Variants in SKP1 observed in about 807,000 individuals in gnomAD.
SKP1 encodes S-phase kinase-associated protein 1.
In SKP1, 1 loss-of-function variant was observed where a neutral mutation model predicts 21.5. The observed-to-expected ratio is 0.05, with a 90% confidence interval of 0.02 to 0.22. The LOEUF (loss-of-function observed/expected upper bound fraction) is 0.22. Among genes scored for constraint, SKP1 ranks in the 10% least tolerant of loss-of-function variants. SKP1 has a pLI of 1.00. For synonymous variants in SKP1, 59 were observed against 59.3 expected, an observed-to-expected ratio of 0.99 and a Z score of 0.03; for missense variants, 70 against 192.0, an observed-to-expected ratio of 0.36 and a Z score of 3.76.
At position 134,175,896 on chromosome 5, in the gene SKP1, C is replaced by T. The variant is rs560358956; in HGVS notation, c.-1+959G>A. Among the ~76,000 whole-genome samples the T allele has an allele frequency of 6.3e-4, 96 of 151,680 alleles. 1 individual carries two copies. Among genetic ancestry groups the T allele is most frequent in the Non-Finnish European group, 1.2e-3 (79 of 67,968 alleles). ...GCTCCTGCACTTGTAAATAATTCTC[C>T]ATGGCCAGCATAAAGCGGGTTCTAT... On this transcript the variant is annotated intron_variant, in intron 1 of 5. Coordinates refer to ENST00000353411, the MANE Select transcript of SKP1 (RefSeq NM_170679.3).
chr5:134,158,660 G>T, intron 4 of SKP1, 65 bp from the exon 5 acceptor site: 2 of 1,319,666 alleles, frequency 1.5e-6, no homozygotes, highest in African/African-American at 2.9e-5. Flanking sequence ...CAAAGTTAAT[G>T]ATTGACACTC....
At chr5:134,160,882 T>C (rs909669318) in intron 4 of SKP1, 105 bp downstream of exon 4, 2 of 731,684 alleles carry the variant, frequency 2.7e-6, no homozygotes, top group Non-Finnish European at 4.5e-6. Flanking sequence ...TACATTTGAA[T>C]TTAGAGAGTA....
chr5:134,149,812 G>A lies in SKP1; in HGVS notation c.*7921C>T, dbSNP rs1184710653. On this transcript the variant is annotated 3_prime_UTR_variant, in exon 6 of 6. Transcript: ENST00000353411. ...ACAATGCAGTCTTTGTGTATTGGCG[G>A]GGAAGTCTTTGGCAACTCTGTTTAA... 1.3e-5 allele frequency: 2 copies of A among 152,058 alleles called. No individual in the cohort carries two copies. Among genetic ancestry groups the A allele is most frequent in the African/African-American group, 4.8e-5 (2 of 41,366 alleles). 9.4% of individuals were successfully genotyped at this position (152,058 alleles called of 1,614,324 possible).
chr5:134,157,287 T>C lies in SKP1; in HGVS notation c.*446A>G, dbSNP rs970785272. On this transcript the variant is annotated 3_prime_UTR_variant, in exon 6 of 6. Coordinates refer to ENST00000353411, the MANE Select transcript of SKP1 (RefSeq NM_170679.3). ...CATCCTAGTAGCTCCACTCAGAACATTTACTTCAAGAAGCCTTTTTCCAGT... is the reference window on the plus strand; with the variant it reads ...CATCCTAGTAGCTCCACTCAGAACACTTACTTCAAGAAGCCTTTTTCCAGT... 5.6e-6 allele frequency: 1 copy of C among 178,754 alleles called. No homozygotes were observed. The highest frequency in any genetic ancestry group is 5.7e-5 in the Admixed American group (1 of 17,686). The allele number at this position is 178,754 out of a possible 1,614,324, so 11.1% of individuals were successfully genotyped here. A position where few individuals can be genotyped will look rare whatever the true frequency, so the allele number is the denominator to read the frequency against.
Position 134,161,092 on chromosome 5 carries a change from A to G in SKP1, c.210T>C (p.Pro70=), listed in dbSNP as rs754804066. ...QWCTHHKDDP[P]PPEDDENKEK... ...CTTTGTTCTCATCATCTTCAGGAGG[A>G]GGAGGGTCATCCTTGTGGTGGGTGC... Residue 70 remains proline (P), a synonymous_variant, in exon 4 of 6, where the codon CCT becomes CCC. Coordinates refer to ENST00000353411, the MANE Select transcript of SKP1 (RefSeq NM_170679.3). The G allele has an allele frequency of 1.2e-6, 2 of 1,613,816 alleles. No individual in the cohort carries two copies. Among genetic ancestry groups the G allele is most frequent in the East Asian group, 2.2e-5 (1 of 44,872 alleles).
Position 134,155,591 on chromosome 5 carries a change from G to T in SKP1, c.*2142C>A, listed in dbSNP as rs1027639126. On this transcript the variant is annotated 3_prime_UTR_variant, in exon 6 of 6. Coordinates refer to ENST00000353411, the MANE Select transcript of SKP1 (RefSeq NM_170679.3). ...TATTGTCTGTCCATCCAATCTTTCTGAAAGATCTCATTATCCTTTAAATAC... is the reference window on the plus strand; with the variant it reads ...TATTGTCTGTCCATCCAATCTTTCTTAAAGATCTCATTATCCTTTAAATAC... The T allele has an allele frequency of 1.3e-5, 2 of 152,218 alleles. No individual in the cohort carries two copies. The highest frequency in any genetic ancestry group is 2.9e-5 in the Non-Finnish European group (2 of 68,036). 9.4% of individuals were successfully genotyped at this position (152,218 alleles called of 1,614,324 possible).
intron 2 of SKP1, chr5:134,171,118 T>C: frequency 2.3e-6 from 1 of 425,932 alleles, no homozygotes; most frequent in Non-Finnish European, 4.6e-6. Context: ...AAGGCCACTA[T>C]GATTGGTACC....
In SKP1 at chr5:134,159,670, C is replaced by A. The variant is rs919933822; in HGVS notation, c.316-1075G>T. 5.3e-5 allele frequency among the ~76,000 whole-genome samples: 8 copies of A among 152,230 alleles called. No homozygotes were observed. In the South Asian group the frequency reaches 1.5e-3, roughly 28 times the overall value. Reference sequence around the variant, plus strand: ...TCATGCCATTCTCCTGCCTCGGCCTCCCGAGTAGCTGAGACTACAGGTTCC... The same window carrying A: ...TCATGCCATTCTCCTGCCTCGGCCTACCGAGTAGCTGAGACTACAGGTTCC... On this transcript the variant is annotated intron_variant, in intron 4 of 5. Coordinates refer to ENST00000353411, the MANE Select transcript of SKP1 (RefSeq NM_170679.3).
At chr5:134,161,555 A>G (rs1761220434) in intron 3 of SKP1, 2 of 153,190 alleles carry the variant, frequency 1.3e-5, no homozygotes, top group Non-Finnish European at 2.9e-5. Flanking sequence ...TACTAGAAGC[A>G]AAACTAACAC....
rs574930401 is a variant in SKP1 at position 134,167,570 on chromosome 5, T to A, written c.98-327A>T. On this transcript the variant is annotated intron_variant, in intron 2 of 5. Coordinates refer to ENST00000353411, the MANE Select transcript of SKP1 (RefSeq NM_170679.3). ...CAGATTCTTGCTCTGTCGCCCAGGC[T>A]AGAGTGTAGGGGCGCCATCTCGGCT... Among the ~76,000 whole-genome samples the A allele has an allele frequency of 3.9e-3, 585 of 151,910 alleles. 7 individuals carry two copies. Among genetic ancestry groups the A allele is most frequent in the African/African-American group, 0.013 (546 of 41,394 alleles).
intron 1 of SKP1, among the ~76,000 whole-genome samples, chr5:134,175,856 G>C (rs938578680): frequency 6.6e-6 from 1 of 152,130 alleles, no homozygotes; most frequent in Non-Finnish European, 1.5e-5. Flanking sequence ...CCATTCTAAA[G>C]AAAGAGGCCT....
In SKP1 at chr5:134,170,313, T is replaced by C. The variant is rs139364708; in HGVS notation, c.98-3070A>G. Among the ~76,000 whole-genome samples the C allele has an allele frequency of 5.6e-3, 847 of 152,350 alleles. 6 individuals carry two copies. Among genetic ancestry groups the C allele is most frequent in the African/African-American group, 0.019 (791 of 41,582 alleles). On this transcript the variant is annotated intron_variant, in intron 2 of 5. Transcript: ENST00000353411. ...TTGGGCTCAAGTAATCCTCTTTAAA[T>C]CCTCTAGCATTTAAAGTAAGGATGT...
chr5:134,161,132 TACA>T lies in SKP1; in HGVS notation c.172-5_172-3del, dbSNP rs779919634. Reference sequence around the variant, plus strand: ...GTGGTGGGTGCACCACTGAATGACCTACAACAACAAAAGTTCATTCCTCTGTGG... The same window carrying T: ...GTGGTGGGTGCACCACTGAATGACCTACAACAAAAGTTCATTCCTCTGTGG... On this transcript the variant is annotated splice_region_variant and splice_polypyrimidine_tract_variant and intron_variant, in intron 3 of 5. Transcript: ENST00000353411. 1.9e-6 allele frequency: 3 copies of T among 1,593,974 alleles called. No individual in the cohort carries two copies. Among genetic ancestry groups the T allele is most frequent in the Non-Finnish European group, 1.7e-6 (2 of 1,169,732 alleles).
chr5:134,176,600 G>C (rs899149037), intron 1 of SKP1: 1 of 152,326 alleles, frequency 6.6e-6, no homozygotes, highest in East Asian at 1.9e-4. Context: ...GGCCCAGCCC[G>C]GGGTTCGGCT....
At chr5:134,174,241 A>G (rs1761496806) in intron 1 of SKP1, among the ~76,000 whole-genome samples, 1 of 152,232 alleles carries the variant, frequency 6.6e-6, no homozygotes, top group Admixed American at 6.5e-5. Flanking sequence ...TAGGAACAGA[A>G]GCTTTTAAGG....
In SKP1 at chr5:134,149,704, A is replaced by C. The variant is rs1761012775; in HGVS notation, c.*8029T>G. On this transcript the variant is annotated 3_prime_UTR_variant, in exon 6 of 6. Coordinates refer to ENST00000353411, the MANE Select transcript of SKP1 (RefSeq NM_170679.3). ...GGCTACTGGCCTAGTTGTTTAAAAA[A>C]CCTACATTCTAACCAGGGCTTATGC... is the stretch of plus-strand genomic sequence containing the variant. 6.6e-6 allele frequency: 1 copy of C among 152,128 alleles called. No individual in the cohort carries two copies. Among genetic ancestry groups the C allele is most frequent in the Admixed American group, 6.5e-5 (1 of 15,276 alleles). The allele number at this position is 152,128 out of a possible 1,614,324, so 9.4% of individuals were successfully genotyped here.
chr5:134,173,048 T>C (rs1761475833), intron 2 of SKP1, among the ~76,000 whole-genome samples: 1 of 147,380 alleles, frequency 6.8e-6, no homozygotes, highest in Non-Finnish European at 1.5e-5. Flanking sequence ...AAAAATCAGC[T>C]GGGGCAGGGC....
rs1043615857 is a variant in SKP1, at chr5:134,158,177, T to A, written c.456+278A>T. On this transcript the variant is annotated intron_variant, in intron 5 of 5. Transcript: ENST00000353411. ...TCTGATGTCAGATATGTATGGTCTA[T>A]ACAGAAAGTTGCAGGTGCCAAAACT... The A allele has an allele frequency of 8.6e-6, 12 of 1,390,694 alleles. No homozygotes were observed. The Admixed American group carries it at 3.6e-4, about 41-fold the overall frequency. The allele number at this position is 1,390,694 out of a possible 1,614,324, so 86.1% of individuals were successfully genotyped here. A position where few individuals can be genotyped will look rare whatever the true frequency, so the allele number is the denominator to read the frequency against.
intron 3 of SKP1, among the ~76,000 whole-genome samples, chr5:134,162,965 A>C (rs1302087751): frequency 6.6e-6 from 1 of 152,058 alleles, no homozygotes; most frequent in African/African-American, 2.4e-5. Context: ...CTGTAATCCT[A>C]GCACTTTGGG....
Sources: gnomAD v4.1 joint callset for allele counts (sites outside exome capture counted in the v4.1 genomes callset) on GRCh38, gnomAD v4.1.1 for gene constraint, MANE v1.5 for transcripts, NCBI Gene and HGNC (gene_info 2026-07-23, HGNC 2026-07-21) for gene names.